The following FARP1 variants were observed in gnomAD, a reference collection of about 807,000 sequenced individuals.
FARP1 encodes the protein FERM, ARHGEF and pleckstrin domain-containing protein 1.
FARP1 carries 52 observed loss-of-function variants against 128.8 expected under a neutral mutation model. That is an observed-to-expected ratio of 0.40 (90% CI 0.32 to 0.51). The LOEUF is 0.51. Ranked by LOEUF, FARP1 falls within the 20% of genes least tolerant of loss-of-function variation. FARP1 has a pLI of 0.45. For synonymous variants in FARP1, 580 were observed against 551.8 expected (o/e 1.05, Z -0.72); for missense variants, 1,333 against 1,367.9 (o/e 0.97, Z 0.40).
intron 1 of FARP1, among the ~76,000 whole-genome samples, chr13:98,144,199 ACT>A (rs1875325289): frequency 1.3e-5 from 2 of 148,852 alleles, no homozygotes; most frequent in Non-Finnish European, 3.0e-5. Flanking sequence ...GACCCCGGAG[ACT>A]CTGTGTGTGT....
At chr13:98,307,851 G>GA (rs1289857491) in intron 2 of FARP1, among the ~76,000 whole-genome samples, 2 of 151,530 alleles carry the variant, frequency 1.3e-5, no homozygotes, top group African/African-American at 4.8e-5. Flanking sequence ...TACTCTTTTG[G>GA]AAAAAAAACT....
chr13:98,337,225 C>G (rs1327588979), intron 2 of FARP1, among the ~76,000 whole-genome samples: 2 of 152,082 alleles, frequency 1.3e-5, no homozygotes, highest in African/African-American at 2.4e-5. Flanking sequence ...ATAAAAACAT[C>G]AGCCAGATGC....
chr13:98,263,908 A>G (rs1449636500), intron 2 of FARP1, among the ~76,000 whole-genome samples: 10 of 152,322 alleles, frequency 6.6e-5, no homozygotes, highest in Admixed American at 5.2e-4. Context: ...TGGAAATACA[A>G]TGACTTGTTA....
At chr13:98,375,501 C>G (rs1479179301) in intron 5 of FARP1, among the ~76,000 whole-genome samples, 1 of 152,224 alleles carries the variant, frequency 6.6e-6, no homozygotes, top group African/African-American at 2.4e-5. Flanking sequence ...AGGTTACACA[C>G]TCAATTCTTT....
chr13:98,446,035 G>GCTCT, intron 24 of FARP1, 63 bp from the exon 25 acceptor site: 2 of 1,129,100 alleles, frequency 1.8e-6, no homozygotes, highest in South Asian at 2.6e-5. Flanking sequence ...AGGGAGAGCT[G>GCTCT]CTCTCTGTGC....
intron 16 of FARP1, among the ~76,000 whole-genome samples, chr13:98,418,339 A>G (rs1414590664): frequency 7.3e-5 from 11 of 151,416 alleles, no homozygotes; most frequent in Non-Finnish European, 1.0e-4. Context: ...CAGCAGTGTG[A>G]TCTTGGCTCA....
intron 4 of FARP1, among the ~76,000 whole-genome samples, chr13:98,366,065 T>C (rs1251680463): frequency 6.6e-6 from 1 of 152,182 alleles, no homozygotes; most frequent in African/African-American, 2.4e-5. Flanking sequence ...TCTTCCCCTC[T>C]CTATGCTTTG....
chr13:98,243,874 A>G (rs1351538748), intron 2 of FARP1, among the ~76,000 whole-genome samples: 2 of 151,962 alleles, frequency 1.3e-5, no homozygotes, highest in Non-Finnish European at 2.9e-5. Flanking sequence ...TTAAATTTTT[A>G]CTCCCTGCTG....
intron 2 of FARP1, among the ~76,000 whole-genome samples, chr13:98,289,538 C>T (rs1885352521): frequency 6.6e-6 from 1 of 152,232 alleles, no homozygotes; most frequent in African/African-American, 2.4e-5. Flanking sequence ...CAGCATTCTT[C>T]CAGCTCGTAT....
intron 2 of FARP1, among the ~76,000 whole-genome samples, chr13:98,251,670 G>A (rs1402237655): frequency 2.0e-5 from 3 of 147,538 alleles, no homozygotes; most frequent in Admixed American, 6.8e-5. Context: ...GTGACAGAGT[G>A]AGACTCCATC....
At chr13:98,368,082 G>A (rs763635797) in intron 4 of FARP1, 35 bp from the exon 5 acceptor site, 2 of 1,537,402 alleles carry the variant, frequency 1.3e-6, no homozygotes, top group East Asian at 2.2e-5. Context: ...ACACAAATCA[G>A]TAAATGCTTT....
intron 2 of FARP1, among the ~76,000 whole-genome samples, chr13:98,277,716 G>A (rs954025583): frequency 6.6e-6 from 1 of 152,058 alleles, no homozygotes; most frequent in Non-Finnish European, 1.5e-5. Flanking sequence ...TTATGCATGC[G>A]GCGCCTGTTT....
intron 2 of FARP1, among the ~76,000 whole-genome samples, chr13:98,285,092 A>G (rs1313931004): frequency 6.6e-6 from 1 of 152,184 alleles, no homozygotes; most frequent in African/African-American, 2.4e-5. Context: ...AGTAGCTAAA[A>G]GGTAATGCTG....
chr13:98,213,461 C>G (rs1399677583), intron 2 of FARP1, 48 bp downstream of exon 2: 1 of 1,585,150 alleles, frequency 6.3e-7, no homozygotes, highest in African/African-American at 1.4e-5. Flanking sequence ...AGGGGACAGC[C>G]TTTGGTGTGA....
At chr13:98,444,868 C>T (rs771936658) in intron 24 of FARP1, among the ~76,000 whole-genome samples, 5 of 152,200 alleles carry the variant, frequency 3.3e-5, no homozygotes, top group Admixed American at 6.5e-5. Flanking sequence ...CCCAAGATGC[C>T]GCATGGGCAT....
At chr13:98,360,242 T>A (rs1454100398) in intron 3 of FARP1, among the ~76,000 whole-genome samples, 1 of 152,098 alleles carries the variant, frequency 6.6e-6, no homozygotes, top group East Asian at 1.9e-4. Flanking sequence ...ATTACAGGCA[T>A]GCGCCACCAC....
At chr13:98,404,447 A>T (rs553689382) in intron 13 of FARP1, 1 of 152,160 alleles carries the variant, frequency 6.6e-6, no homozygotes, top group South Asian at 2.1e-4. Flanking sequence ...AGTCCTGCCT[A>T]TTCAGGAAGC....
intron 5 of FARP1, among the ~76,000 whole-genome samples, chr13:98,376,926 C>T (rs1424500869): frequency 2.0e-5 from 3 of 152,068 alleles, no homozygotes; most frequent in East Asian, 3.9e-4. Flanking sequence ...TGCTGTTGCA[C>T]AGTTTTTACT....
intron 6 of FARP1, among the ~76,000 whole-genome samples, chr13:98,379,301 T>C (rs1471898515): frequency 4.1e-5 from 6 of 146,772 alleles, no homozygotes; most frequent in Admixed American, 2.2e-4. Context: ...AGATCAAGTC[T>C]GTCATTATCC....
Sources: allele counts gnomAD v4.1 joint callset (sites outside exome capture counted in the v4.1 genomes callset), GRCh38; gene constraint gnomAD v4.1.1; transcripts MANE v1.5; gene names NCBI Gene and HGNC (gene_info 2026-07-23, HGNC 2026-07-21).